The following CCDC149 variants were observed in gnomAD, a reference collection of about 807,000 sequenced individuals.
CCDC149 encodes coiled-coil domain containing 149.
Under a neutral mutation model 59.9 loss-of-function variants are expected in CCDC149, and 45 were observed. The ratio of observed to expected loss-of-function variants is 0.75; its 90% CI spans 0.59 to 0.96. The LOEUF (loss-of-function observed/expected upper bound fraction) is 0.96, where lower values mean the gene tolerates loss of function less well. Ranked by LOEUF, CCDC149 falls within the 40% of genes least tolerant of loss-of-function variation. CCDC149 has a pLI of 0.00. For synonymous variants in CCDC149, 245 were observed against 260.6 expected, an observed-to-expected ratio of 0.94 and a Z score of 0.58; for missense variants, 584 against 664.7, an observed-to-expected ratio of 0.88 and a Z score of 1.33.
chr4:24,951,687 C>T (rs192609095), intron 1 of CCDC149, among the ~76,000 whole-genome samples: 116 of 152,226 alleles, frequency 7.6e-4, no homozygotes, highest in Non-Finnish European at 7.2e-4. Flanking sequence ...TAAATTGTTT[C>T]CTTTTTATAT....
chr4:24,876,865 C>T (rs1349914799), intron 1 of CCDC149, among the ~76,000 whole-genome samples, 168 bp from the exon 2 acceptor site: 2 of 152,196 alleles, frequency 1.3e-5, no homozygotes, highest in Non-Finnish European at 2.9e-5. Flanking sequence ...CAGGCTTCTA[C>T]AGCGCTAACA....
In CCDC149 at chr4:24,849,576, C is replaced by T. The variant is rs146668468; in HGVS notation, c.372+3496G>A. Among the ~76,000 whole-genome samples the T allele has an allele frequency of 2.0e-3, 301 of 152,224 alleles. 2 individuals are homozygous for T. The highest frequency in any genetic ancestry group is 6.6e-3 in the African/African-American group (274 of 41,538). Reference sequence around the variant, plus strand: ...CTAAGCTGCTTGGAAGCCAGGGTGGCAACAAATCTTTCAGGAGGCTATTTG... The same window carrying T: ...CTAAGCTGCTTGGAAGCCAGGGTGGTAACAAATCTTTCAGGAGGCTATTTG... On this transcript the variant is annotated intron_variant, in intron 4 of 12. Coordinates refer to ENST00000635206, the MANE Select transcript of CCDC149 (RefSeq NM_001330643.2).
intron 1 of CCDC149, among the ~76,000 whole-genome samples, chr4:24,901,394 A>G (rs913940930): frequency 5.9e-5 from 9 of 152,186 alleles, no homozygotes; most frequent in African/African-American, 1.4e-4. Flanking sequence ...TCATTCAGGG[A>G]CTGGCCAAAG....
At chr4:24,876,097 C>T (rs1424105176) in intron 2 of CCDC149, among the ~76,000 whole-genome samples, 2 of 152,104 alleles carry the variant, frequency 1.3e-5, no homozygotes, top group Non-Finnish European at 1.5e-5. Context: ...GTGGTGCACT[C>T]GCTAGTCACT....
intron 1 of CCDC149, among the ~76,000 whole-genome samples, chr4:24,906,143 A>G (rs553880750): frequency 6.6e-6 from 1 of 152,272 alleles, no homozygotes; most frequent in Admixed American, 6.5e-5. Flanking sequence ...AAACCACTCT[A>G]TTTTGGAGGC....
At chr4:24,957,573 C>T (rs535331615) in intron 1 of CCDC149, among the ~76,000 whole-genome samples, 14 of 152,192 alleles carry the variant, frequency 9.2e-5, no homozygotes, top group South Asian at 4.1e-4. Flanking sequence ...TTTAAGTCAA[C>T]GGAATACATG....
At chr4:24,941,770 C>A (rs550676634) in intron 1 of CCDC149, among the ~76,000 whole-genome samples, 1 of 152,334 alleles carries the variant, frequency 6.6e-6, no homozygotes, top group Non-Finnish European at 1.5e-5. Context: ...ATAAACACCT[C>A]TACACAAATA....
At chr4:24,896,231 C>G (rs1216222984) in intron 1 of CCDC149, among the ~76,000 whole-genome samples, 1 of 152,182 alleles carries the variant, frequency 6.6e-6, no homozygotes, top group South Asian at 2.1e-4. Context: ...TTACCACCTG[C>G]TCAGTCTAAT....
intron 1 of CCDC149, among the ~76,000 whole-genome samples, chr4:24,889,256 T>C (rs537153273): frequency 6.6e-6 from 1 of 152,328 alleles, no homozygotes; most frequent in East Asian, 1.9e-4. Context: ...TTTGCAAGCC[T>C]ATAAAGATGA....
chr4:24,917,743 G>A (rs1208935478), upstream of CCDC149, among the ~76,000 whole-genome samples: 1 of 152,192 alleles, frequency 6.6e-6, no homozygotes, highest in Admixed American at 6.5e-5. Flanking sequence ...AAATGGAAAA[G>A]AGACAGGAAA....
intron 4 of CCDC149, among the ~76,000 whole-genome samples, chr4:24,844,348 G>A (rs1168043461): frequency 2.0e-5 from 3 of 152,126 alleles, no homozygotes; most frequent in African/African-American, 7.2e-5. Context: ...ACTCTCAGAG[G>A]CAGACATTGT....
chr4:24,930,781 T>A (rs1722564088), intron 1 of CCDC149, among the ~76,000 whole-genome samples: 1 of 152,176 alleles, frequency 6.6e-6, no homozygotes, highest in Non-Finnish European at 1.5e-5. Context: ...AGGGAGAGTT[T>A]ATAGAGATAA....
At chr4:24,876,963 G>A (rs1577440195) in intron 1 of CCDC149, among the ~76,000 whole-genome samples, 2 of 152,176 alleles carry the variant, frequency 1.3e-5, no homozygotes, top group African/African-American at 4.8e-5. Context: ...GGGTAAACAG[G>A]TAGACAGCTG....
chr4:24,879,442 G>A (rs957463066), intron 1 of CCDC149, among the ~76,000 whole-genome samples: 19 of 151,714 alleles, frequency 1.3e-4, no homozygotes, highest in African/African-American at 2.9e-4. Flanking sequence ...ACTTGAACCC[G>A]GGAGGCAGAG....
chr4:24,903,695 C>T (rs912007503), intron 1 of CCDC149, among the ~76,000 whole-genome samples: 2 of 152,156 alleles, frequency 1.3e-5, no homozygotes, highest in Non-Finnish European at 2.9e-5. Flanking sequence ...TAGAATACAT[C>T]CATAAATCCA....
chr4:24,929,976 C>T (rs1213041073), intron 1 of CCDC149, among the ~76,000 whole-genome samples: 1 of 152,192 alleles, frequency 6.6e-6, no homozygotes, highest in East Asian at 1.9e-4. Context: ...AGTTTACTAT[C>T]ATTCTTTTAA....
upstream of CCDC149, among the ~76,000 whole-genome samples, chr4:24,913,124 C>T (rs1008947797): frequency 4.0e-5 from 6 of 150,996 alleles, no homozygotes; most frequent in African/African-American, 1.4e-4. Flanking sequence ...CCGGGCCCGC[C>T]CCGCGCCCTC....
At chr4:24,885,578 G>A (rs150355954) in intron 1 of CCDC149, among the ~76,000 whole-genome samples, 8 of 152,298 alleles carry the variant, frequency 5.3e-5, no homozygotes, top group Non-Finnish European at 8.8e-5. Context: ...ACATCAGTGG[G>A]CGAGTGGGTC....
At chr4:24,884,991 A>C (rs1453259651) in intron 1 of CCDC149, among the ~76,000 whole-genome samples, 1 of 152,106 alleles carries the variant, frequency 6.6e-6, no homozygotes, top group Non-Finnish European at 1.5e-5. Flanking sequence ...TGACAGGGAA[A>C]ATGTTACTCC....
Sources: allele counts gnomAD v4.1 joint callset (sites outside exome capture counted in the v4.1 genomes callset), GRCh38; gene constraint gnomAD v4.1.1; transcripts MANE v1.5; gene names NCBI Gene and HGNC (gene_info 2026-07-23, HGNC 2026-07-21).